The following KLHL14 variants were observed in gnomAD, a reference collection of about 807,000 sequenced individuals.
KLHL14 encodes the protein kelch like family member 14.
KLHL14 carries 22 observed loss-of-function variants against 64.3 expected under a neutral mutation model. The ratio of observed to expected loss-of-function variants is 0.34; its 90% confidence interval spans 0.24 to 0.49. The LOEUF (loss-of-function observed/expected upper bound fraction) is 0.49, where lower values mean the gene tolerates loss of function less well. Among genes scored for constraint, KLHL14 ranks in the 20% least tolerant of loss-of-function variants. The pLI, the probability that KLHL14 is intolerant of heterozygous loss-of-function variation, is 0.99. For missense variants in KLHL14, 661 were observed against 789.0 expected, an observed-to-expected ratio of 0.84 and a Z score of 1.94; for synonymous variants, 322 against 333.4, an observed-to-expected ratio of 0.97 and a Z score of 0.37.
chr18:32,700,240 G>C (rs766860192), intron 3 of KLHL14, among the ~76,000 whole-genome samples: 1 of 152,118 alleles, frequency 6.6e-6, no homozygotes, highest in Non-Finnish European at 1.5e-5. Context: ...GTTATTGAAT[G>C]TTTATCAATT....
intron 1 of KLHL14, chr18:32,771,199 C>G (rs2050382702): frequency 1.2e-5 from 2 of 172,212 alleles, no homozygotes; most frequent in Non-Finnish European, 2.6e-5. Flanking sequence ...GCGGGGTGTG[C>G]GAATCTTAGC....
At chr18:32,696,738 CTA>C (rs1381773733) in intron 3 of KLHL14, among the ~76,000 whole-genome samples, 5 of 152,202 alleles carry the variant, frequency 3.3e-5, no homozygotes, top group African/African-American at 1.2e-4. Flanking sequence ...ATTTTGGGTG[CTA>C]TATAGCTCTC....
At chr18:32,692,019 G>C (rs370027591) in intron 4 of KLHL14, among the ~76,000 whole-genome samples, 22 of 152,188 alleles carry the variant, frequency 1.4e-4, no homozygotes, top group East Asian at 9.6e-4. Context: ...AGTGACAAAT[G>C]TAAACTGGGT....
chr18:32,759,697 T>TTC (rs140880053), intron 2 of KLHL14, among the ~76,000 whole-genome samples: 35,562 of 148,320 alleles, frequency 0.24, 4,831 homozygotes, highest in East Asian at 0.44. Context: ...CATTATAACC[T>TTC]TCTCTCTCTC....
In KLHL14 at chr18:32,683,234, T is replaced by C. The variant is rs2049852079; in HGVS notation, c.1239-2635A>G. On this transcript the variant is annotated intron_variant, in intron 5 of 8. Coordinates refer to ENST00000359358, the MANE Select transcript of KLHL14 (RefSeq NM_020805.3). The surrounding 1 kb of genome is among the most constrained non-coding windows in gnomAD (Gnocchi z 4.2). ...TCATGCGACACTTCGTGTGTACTCCTAGCTTTATCCACACAGTGTCACTGT... is the reference window on the plus strand; with the variant it reads ...TCATGCGACACTTCGTGTGTACTCCCAGCTTTATCCACACAGTGTCACTGT... Among the ~76,000 whole-genome samples, 1 of 152,194 alleles carries C rather than the reference T, an allele frequency of 6.6e-6. No homozygotes were observed. Among genetic ancestry groups the C allele is most frequent in the African/African-American group, 2.4e-5 (1 of 41,444 alleles).
At chr18:32,682,827 A>AT (rs914711220) in intron 5 of KLHL14, among the ~76,000 whole-genome samples, 7 of 151,990 alleles carry the variant, frequency 4.6e-5, no homozygotes, top group Admixed American at 1.3e-4. Context: ...AGTAAAACAT[A>AT]TTTTTTTTCC....
chr18:32,693,988 G>C (rs1281846280), intron 4 of KLHL14, among the ~76,000 whole-genome samples: 1 of 137,528 alleles, frequency 7.3e-6, no homozygotes. Flanking sequence ...GTTTTGTTTT[G>C]TTTTGTTTTT....
intron 3 of KLHL14, among the ~76,000 whole-genome samples, chr18:32,727,705 T>C (rs1322286967): frequency 6.6e-6 from 1 of 152,214 alleles, no homozygotes; most frequent in Non-Finnish European, 1.5e-5. Flanking sequence ...TCCCATGAAA[T>C]GTTTATGTAC....
Position 32,770,410 on chromosome 18 carries a change from A to T in KLHL14, c.182T>A (p.Leu61His), listed in dbSNP as rs1262110942. 6.2e-7 allele frequency: 1 copy of T among 1,603,072 alleles called. No homozygotes were observed. Among genetic ancestry groups the T allele is most frequent in the East Asian group, 2.2e-5 (1 of 44,590 alleles). ...CCCGAGAGGGGGGTGGCTGGAGAAG[A>T]GCGATCGGAAGTACTGCGAGCAGGA... Reference protein sequence around the residue: ...LASCSQYFRSLFSSHPPLGGG... With the variant: ...LASCSQYFRSHFSSHPPLGGG... Residue 61 changes from leucine (L) to histidine (H), a missense_variant, in exon 2 of 9, where the codon CTC becomes CAC. Transcript: ENST00000359358. The surrounding 1 kb of genome is among the most constrained non-coding windows in gnomAD (Gnocchi z 6.7).
At chr18:32,690,176 A>T (rs1164992497) in intron 4 of KLHL14, among the ~76,000 whole-genome samples, 1 of 152,202 alleles carries the variant, frequency 6.6e-6, no homozygotes, top group African/African-American at 2.4e-5. Flanking sequence ...TAAAACGGGA[A>T]GTAAGGACAC....
At chr18:32,725,547 T>C (rs6506981) in intron 3 of KLHL14, among the ~76,000 whole-genome samples, 44,853 of 152,072 alleles carry the variant, frequency 0.29, 6,880 homozygotes, top group African/African-American at 0.37. Flanking sequence ...CAATGTCTGG[T>C]CCCCTTTGGT....
At chr18:32,713,448 C>A (rs984800185) in intron 3 of KLHL14, among the ~76,000 whole-genome samples, 68 of 152,220 alleles carry the variant, frequency 4.5e-4, no homozygotes, top group African/African-American at 1.6e-3. Flanking sequence ...TGACTTATTT[C>A]TCTTGGGATA....
intron 2 of KLHL14, chr18:32,745,291 C>T (rs560567251): frequency 6.6e-6 from 1 of 152,148 alleles, no homozygotes; most frequent in Non-Finnish European, 1.5e-5. Flanking sequence ...CTAAATAAAA[C>T]TTGAAGCTCT....
chr18:32,676,792 A>C (rs1409101044), intron 8 of KLHL14, among the ~76,000 whole-genome samples: 1 of 152,202 alleles, frequency 6.6e-6, no homozygotes, highest in Admixed American at 6.6e-5. Flanking sequence ...ACACATCCTA[A>C]ATAGATTTCA....
intron 1 of KLHL14, among the ~76,000 whole-genome samples, chr18:32,771,841 C>T (rs2050388462): frequency 6.6e-6 from 1 of 151,970 alleles, no homozygotes; most frequent in Admixed American, 6.5e-5. Flanking sequence ...TCTCTGCGCC[C>T]CACCCAGCAT....
At chr18:32,691,975 T>C (rs1290278943) in intron 4 of KLHL14, among the ~76,000 whole-genome samples, 2 of 152,166 alleles carry the variant, frequency 1.3e-5, no homozygotes, top group Non-Finnish European at 2.9e-5. Context: ...AGAAGTTCCC[T>C]ATGAGCAGTT....
At chr18:32,769,027 A>T (rs1313846704) in intron 2 of KLHL14, among the ~76,000 whole-genome samples, 3 of 152,190 alleles carry the variant, frequency 2.0e-5, no homozygotes, top group Non-Finnish European at 4.4e-5. Flanking sequence ...AACATAGAAA[A>T]GTTTGCCTGG....
chr18:32,762,516 C>T (rs1523578), intron 2 of KLHL14, among the ~76,000 whole-genome samples: 125,267 of 151,916 alleles, frequency 0.82, 54,369 homozygotes, highest in East Asian at 0.99. Context: ...TCTCTTTTTA[C>T]GGTAGGCATT....
intron 3 of KLHL14, among the ~76,000 whole-genome samples, chr18:32,711,091 C>G (rs1568071225): frequency 6.6e-6 from 1 of 152,052 alleles, no homozygotes; most frequent in African/African-American, 2.4e-5. Flanking sequence ...AGTGCAGAAT[C>G]TGCCAAAATA....
Sources: gnomAD v4.1 joint callset for allele counts (sites outside exome capture counted in the v4.1 genomes callset) on GRCh38, gnomAD v4.1.1 for gene constraint, Gnocchi (gnomAD v3.1) non-coding constraint, MANE v1.5 for transcripts, NCBI Gene and HGNC (gene_info 2026-07-23, HGNC 2026-07-21) for gene names.